Variants in TTC28 observed in about 807,000 individuals in gnomAD.
The protein encoded by TTC28 is tetratricopeptide repeat domain 28.
A neutral mutation model predicts 198.0 loss-of-function variants in TTC28; 61 were observed. That is an observed-to-expected ratio of 0.31 (90% CI 0.25 to 0.38). The LOEUF is 0.38. Ranked by LOEUF, TTC28 falls within the 10% of genes least tolerant of loss-of-function variation. The pLI is 1.00. For missense variants in TTC28, 2,678 were observed against 3,164.0 expected (o/e 0.85, Z 3.69); for synonymous variants, 1,171 against 1,297.8 (o/e 0.90, Z 2.10).
At chr22:28,453,242 TCTGA>T (rs1258542937) in intron 2 of TTC28, among the ~76,000 whole-genome samples, 19 of 152,360 alleles carry the variant, frequency 1.2e-4, no homozygotes, top group African/African-American at 4.3e-4. Flanking sequence ...AACTCAGAAC[TCTGA>T]CTGGCTAGCA....
chr22:28,488,383 C>T (rs1286457264), intron 2 of TTC28, among the ~76,000 whole-genome samples: 1 of 152,172 alleles, frequency 6.6e-6, no homozygotes, highest in African/African-American at 2.4e-5. Flanking sequence ...AAGTTGCTTT[C>T]CTTTCACCAC....
At chr22:28,124,168 T>TTTGTTGTTGTTGTTGTTGTTG (rs71316831) in intron 6 of TTC28, among the ~76,000 whole-genome samples, 1 of 148,094 alleles carries the variant, frequency 6.8e-6, no homozygotes, top group Non-Finnish European at 1.5e-5. Context: ...CTTATCTCTC[T>TTTGTTGTTGTTGTTGTTGTTG]TTGTTGTTGT....
chr22:28,219,206 GA>G lies in TTC28; in HGVS notation c.934-55608del, dbSNP rs574322374. Among the ~76,000 whole-genome samples the G allele has an allele frequency of 3.4e-3, 505 of 148,526 alleles. 2 individuals carry two copies. The highest frequency in any genetic ancestry group is 6.8e-3 in the Middle Eastern group (2 of 292). On this transcript the variant is annotated intron_variant, in intron 5 of 22. Coordinates refer to ENST00000397906, the MANE Select transcript of TTC28 (RefSeq NM_001145418.2). ...GCTTTGCTCACTTAACAAAAATAAA[GA>G]AAAAAAAAATACCCACTTCGTCTGG...
intron 2 of TTC28, among the ~76,000 whole-genome samples, chr22:28,488,862 A>G (rs2048341656): frequency 6.6e-6 from 1 of 152,234 alleles, no homozygotes; most frequent in Non-Finnish European, 1.5e-5. Context: ...TTTTTAAATC[A>G]CTAAACCATG....
In TTC28 at chr22:28,216,272, A is replaced by G. The variant is rs73882710; in HGVS notation, c.934-52673T>C. Among the ~76,000 whole-genome samples, 1,234 of 152,368 alleles carry G rather than the reference A, an allele frequency of 8.1e-3. 19 individuals are homozygous for G. The highest frequency in any genetic ancestry group is 0.028 in the African/African-American group (1,175 of 41,588). Reference sequence around the variant, plus strand: ...ATCATAGCTGATTTGAAAGAAGTCCATATCATCAGGGCATGAAGGAAGGAG... The same window carrying G: ...ATCATAGCTGATTTGAAAGAAGTCCGTATCATCAGGGCATGAAGGAAGGAG... On this transcript the variant is annotated intron_variant, in intron 5 of 22. Transcript: ENST00000397906.
chr22:28,624,913 C>G (rs1041192245), intron 2 of TTC28, among the ~76,000 whole-genome samples: 2 of 152,012 alleles, frequency 1.3e-5, no homozygotes, highest in Admixed American at 1.3e-4. Flanking sequence ...GGAATTTACC[C>G]CCATTAAAAC....
intron 12 of TTC28, among the ~76,000 whole-genome samples, chr22:28,087,110 G>A (rs1482987132): frequency 6.6e-6 from 1 of 152,088 alleles, no homozygotes. Context: ...CATTCCTTCT[G>A]AAACTATTCC....
chr22:28,180,640 T>C (rs1923608396), intron 5 of TTC28, among the ~76,000 whole-genome samples: 1 of 152,034 alleles, frequency 6.6e-6, no homozygotes, highest in Non-Finnish European at 1.5e-5. Context: ...TCTCCCATTT[T>C]AGGATTTGCT....
At chr22:28,355,266 TGAA>T (rs2046057935) in intron 2 of TTC28, among the ~76,000 whole-genome samples, 1 of 152,072 alleles carries the variant, frequency 6.6e-6, no homozygotes, top group South Asian at 2.1e-4. Context: ...AAAAATAAAT[TGAA>T]GATATTTTCT....
Position 27,981,961 on chromosome 22 carries a change from C to G in TTC28, c.*260G>C. 2.5e-6 allele frequency: 1 copy of G among 398,390 alleles called. No homozygotes were observed. The highest frequency in any genetic ancestry group is 4.4e-6 in the Non-Finnish European group (1 of 226,214). 24.7% of individuals were successfully genotyped at this position (398,390 alleles called of 1,614,324 possible). ...GAGAAGCAGGGAGTTCAAAGGTAAACAAACATTTGGTGAAGTGTGTAGGAA... is the reference window on the plus strand; with the variant it reads ...GAGAAGCAGGGAGTTCAAAGGTAAAGAAACATTTGGTGAAGTGTGTAGGAA... On this transcript the variant is annotated 3_prime_UTR_variant, in exon 23 of 23. Coordinates refer to ENST00000397906, the MANE Select transcript of TTC28 (RefSeq NM_001145418.2).
intron 12 of TTC28, among the ~76,000 whole-genome samples, chr22:28,090,089 A>G (rs1475339316): frequency 1.3e-5 from 2 of 152,318 alleles, no homozygotes; most frequent in Non-Finnish European, 2.9e-5. Context: ...CGTTGTGCAC[A>G]TGTATCCTAA....
chr22:28,032,187 T>A (rs570817177), intron 12 of TTC28, among the ~76,000 whole-genome samples: 6,674 of 72,810 alleles, frequency 0.092, 315 homozygotes, highest in South Asian at 0.13. Context: ...TATATATATA[T>A]AAAATATATA....
At chr22:28,304,164 AG>A (rs1330305790) in intron 3 of TTC28, among the ~76,000 whole-genome samples, 1 of 152,134 alleles carries the variant, frequency 6.6e-6, no homozygotes, top group East Asian at 1.9e-4. Context: ...GGGCGCCTGT[AG>A]TCCCAGCTAC....
At chr22:28,521,634 C>T (rs996514012) in intron 2 of TTC28, among the ~76,000 whole-genome samples, 4 of 152,100 alleles carry the variant, frequency 2.6e-5, no homozygotes, top group Middle Eastern at 3.2e-3. Flanking sequence ...AAACATAAAA[C>T]AAGCAGAGCT....
chr22:28,066,558 C>G (rs1470332772), intron 12 of TTC28, among the ~76,000 whole-genome samples: 1 of 152,110 alleles, frequency 6.6e-6, no homozygotes, highest in Non-Finnish European at 1.5e-5. Context: ...TTATAGTCTA[C>G]ATATGAGCTC....
At chr22:28,570,986 G>C (rs2050050100) in intron 2 of TTC28, among the ~76,000 whole-genome samples, 2 of 152,096 alleles carry the variant, frequency 1.3e-5, no homozygotes, top group South Asian at 4.1e-4. Context: ...AAATTTTAAA[G>C]CTGGCATTTT....
At chr22:28,278,966 G>A (rs950952517) in intron 5 of TTC28, among the ~76,000 whole-genome samples, 3 of 152,042 alleles carry the variant, frequency 2.0e-5, no homozygotes, top group African/African-American at 7.2e-5. Flanking sequence ...GCAGAGCCAG[G>A]GCTACCCAGT....
intron 12 of TTC28, 62 bp downstream of exon 12, chr22:28,094,018 T>C: frequency 6.9e-7 from 1 of 1,450,026 alleles, no homozygotes; most frequent in South Asian, 1.5e-5. Flanking sequence ...AATAGGATGT[T>C]TACAAAAAAT....
At chr22:28,654,993 A>G (rs2051621346) in intron 1 of TTC28, among the ~76,000 whole-genome samples, 1 of 152,228 alleles carries the variant, frequency 6.6e-6, no homozygotes, top group Non-Finnish European at 1.5e-5. Flanking sequence ...AGCTTTTTAG[A>G]GATTAAATAT....
Sources: allele counts gnomAD v4.1 joint callset (sites outside exome capture counted in the v4.1 genomes callset), GRCh38; gene constraint gnomAD v4.1.1; transcripts MANE v1.5; gene names NCBI Gene and HGNC (gene_info 2026-07-23, HGNC 2026-07-21).